MKS1: variants seen among roughly 807,000 people sequenced by gnomAD.
MKS1 encodes the protein tectonic-like complex member MKS1.
MKS1 carries 70 observed loss-of-function variants against 83.7 expected under a neutral mutation model. The observed-to-expected ratio is 0.84, with a 90% CI of 0.69 to 1.02. The LOEUF (loss-of-function observed/expected upper bound fraction) is 1.02. Ranked by LOEUF, MKS1 falls within the 50% of genes least tolerant of loss-of-function variation. The pLI, the probability that MKS1 is intolerant of heterozygous loss-of-function variation, is 0.00. For synonymous variants in MKS1, 251 were observed against 273.4 expected (o/e 0.92, Z 0.81); for missense variants, 681 against 726.9 (o/e 0.94, Z 0.73).
chr17:58,208,371 G>A, intron 12 of MKS1, 142 bp downstream of exon 12: 2 of 1,036,574 alleles, frequency 1.9e-6, no homozygotes, highest in African/African-American at 3.2e-5. Context: ...TCCGGACCAG[G>A]TGGCCCTGTA....
chr17:58,214,863 TA>T (rs1567804106), intron 4 of MKS1, 25 bp from the exon 5 acceptor site: 1 of 1,588,020 alleles, frequency 6.3e-7, no homozygotes, highest in Admixed American at 1.7e-5. Context: ...CAGCCCTGTG[TA>T]CGCCATCTGG....
chr17:58,216,391 G>A lies in MKS1; in HGVS notation c.262-148C>T, dbSNP rs915633579. The A allele has an allele frequency of 3.8e-5, 37 of 974,590 alleles. 1 individual carries two copies. The highest frequency in any genetic ancestry group is 8.4e-5 in the Admixed American group (4 of 47,686). The allele number at this position is 974,590 out of a possible 1,614,324, so 60.4% of individuals were successfully genotyped here. A position where few individuals can be genotyped will look rare whatever the true frequency, so the allele number is the denominator to read the frequency against. ...CAACACTAAACTAATGAATGGCAGG[G>A]GAACCAAGAACATTAGAGCTAAAAG... On this transcript the variant is annotated intron_variant, in intron 3 of 17. Transcript: ENST00000393119.
chr17:58,207,290 T>C, intron 14 of MKS1, 72 bp from the exon 15 acceptor site: 1 of 1,601,488 alleles, frequency 6.2e-7, no homozygotes. Flanking sequence ...TCCCCAGCAA[T>C]GACACAGGCC....
In MKS1 at chr17:58,210,893, G is replaced by A; in HGVS notation, c.958+87C>T. The A allele has an allele frequency of 4.0e-6, 6 of 1,490,992 alleles. No individual in the cohort carries two copies. In the South Asian group the frequency reaches 5.7e-5, roughly 14 times the overall value. The allele number at this position is 1,490,992 out of a possible 1,614,324, so 92.4% of individuals were successfully genotyped here. A position where few individuals can be genotyped will look rare whatever the true frequency, so the allele number is the denominator to read the frequency against. On this transcript the variant is annotated intron_variant, in intron 10 of 17. Transcript: ENST00000393119. ...GAGTTTCCCAAGTACAGCAGACAAGGCCTCTACCAGAGTGGAGGAGACTAT... is the reference window on the plus strand; with the variant it reads ...GAGTTTCCCAAGTACAGCAGACAAGACCTCTACCAGAGTGGAGGAGACTAT...
rs761483576 is a variant in MKS1, at chr17:58,206,157, T to G, written c.1602A>C (p.Arg534=). 6.2e-7 allele frequency: 1 copy of G among 1,613,924 alleles called. No individual in the cohort carries two copies. Among genetic ancestry groups the G allele is most frequent in the South Asian group, 1.1e-5 (1 of 91,070 alleles). ...SIHNVLEAFR[R]ARRRMQEARE... ...GGGCCTCCTGCATGCGGCGCCGGGC[T>G]CGACGGAAGGCCTCTGTAAGGAAAG... Residue 534 remains arginine (R), a synonymous_variant, in exon 18 of 18, where the codon CGA becomes CGC. Coordinates refer to ENST00000393119, the MANE Select transcript of MKS1 (RefSeq NM_017777.4).
In MKS1 at chr17:58,216,136, T is replaced by A. The variant is rs997559994; in HGVS notation, c.369A>T (p.Arg123=). 1 of 1,614,084 alleles carries A rather than the reference T, an allele frequency of 6.2e-7. No individual in the cohort carries two copies. The highest frequency in any genetic ancestry group is 1.3e-5 in the African/African-American group (1 of 74,918). ...KLENSGGKKN[R]RIFTYTDSDR... is the part of the protein sequence containing the mutation. ...CAGAGTCAGTGTAGGTAAAGATTCGTCGGTTTTTCTTGCCACCCGAATTCT... is the reference window on the plus strand; with the variant it reads ...CAGAGTCAGTGTAGGTAAAGATTCGACGGTTTTTCTTGCCACCCGAATTCT... Residue 123 remains arginine (R), a synonymous_variant, in exon 4 of 18, where the codon CGA becomes CGT. Transcript: ENST00000393119.
intron 9 of MKS1, among the ~76,000 whole-genome samples, chr17:58,211,571 CT>C (rs200217671): frequency 6.6e-6 from 1 of 151,052 alleles, no homozygotes; most frequent in African/African-American, 2.4e-5. Flanking sequence ...AAACCACTTT[CT>C]TTTTTTTTCA....
Position 58,210,689 on chromosome 17 carries a change from C to T in MKS1, c.994G>A (p.Val332Ile), listed in dbSNP as rs775391594. 6.6e-5 allele frequency: 106 copies of T among 1,614,062 alleles called. No individual in the cohort carries two copies. Among genetic ancestry groups the T allele is most frequent in the South Asian group, 3.6e-4 (33 of 91,082 alleles). ...GTTGGCAATTCTACAAAGAAGTGGACGTAGAGATTGTCATACTCATAGCCT... is the reference window on the plus strand; with the variant it reads ...GTTGGCAATTCTACAAAGAAGTGGATGTAGAGATTGTCATACTCATAGCCT... ...AQGYEYDNLY[V>I]HFFVELPTAH... is the part of the protein sequence containing the mutation. Residue 332 changes from valine to isoleucine, a missense_variant, in exon 11 of 18, where the codon GTC (valine) becomes ATC (isoleucine). Transcript: ENST00000393119.
chr17:58,212,298 A>ACTTCCTTTTCACACT, intron 9 of MKS1, 80 bp downstream of exon 9: 6 of 1,511,702 alleles, frequency 4.0e-6, no homozygotes, highest in Non-Finnish European at 4.6e-6. Context: ...GGCCTTTAAG[A>ACTTCCTTTTCACACT]GAGGTAGTGT....
rs1312861325 is a variant in MKS1, at chr17:58,216,147, T to G, written c.358A>C (p.Lys120Gln). ...EILKLENSGG[K>Q]KNRRIFTYTD... ...TAGGTAAAGATTCGTCGGTTTTTCTTGCCACCCGAATTCTCCAGCTTCAGG... is the reference window on the plus strand; with the variant it reads ...TAGGTAAAGATTCGTCGGTTTTTCTGGCCACCCGAATTCTCCAGCTTCAGG... Residue 120 changes from lysine to glutamine, a missense_variant, in exon 4 of 18, where the codon AAG (lysine) becomes CAG (glutamine). By Grantham distance (53) the Lys-to-Gln change is moderately conservative. Coordinates refer to ENST00000393119, the MANE Select transcript of MKS1 (RefSeq NM_017777.4). 2 of 1,614,236 alleles carry G rather than the reference T, an allele frequency of 1.2e-6. No homozygotes were observed. Among genetic ancestry groups the G allele is most frequent in the Non-Finnish European group, 1.7e-6 (2 of 1,180,034 alleles).
At position 58,205,790 on chromosome 17, in the gene MKS1, G is replaced by T; in HGVS notation, c.*289C>A. ...GTGAGTCAAGGCCAGACTCACTATG[G>T]GGTCACCCCAAACAGCTTCAGATCA... On this transcript the variant is annotated 3_prime_UTR_variant, in exon 18 of 18. Transcript: ENST00000393119. 1 of 1,437,624 alleles carries T rather than the reference G, an allele frequency of 7.0e-7. No individual in the cohort carries two copies. Among genetic ancestry groups the T allele is most frequent in the Non-Finnish European group, 9.2e-7 (1 of 1,081,700 alleles). The allele number at this position is 1,437,624 out of a possible 1,614,324, so 89.1% of individuals were successfully genotyped here.
chr17:58,216,024 CAGTG>C, intron 4 of MKS1, 60 bp downstream of exon 4: 6 of 1,579,140 alleles, frequency 3.8e-6, no homozygotes, highest in Non-Finnish European at 5.2e-6. Context: ...ACACAGAACT[CAGTG>C]AGGCAAAAAA....
intron 14 of MKS1, 154 bp downstream of exon 14, chr17:58,207,740 G>T: frequency 4.0e-6 from 3 of 751,954 alleles, no homozygotes; most frequent in Non-Finnish European, 6.9e-6. Flanking sequence ...CTAATGGAGG[G>T]GGGCAGAAAG....
At position 58,212,434 on chromosome 17, in the gene MKS1, G is replaced by A. The variant is rs755916212; in HGVS notation, c.859C>T (p.Leu287Phe). The stretch of plus-strand genomic sequence containing the variant: ...AGATACTCCTTGTGCCGGCCATAAA[G>A]CTGAGGAAACAAACCAAACCAAAAC... Reference protein sequence around the residue: ...EERERRVFKDLYGRHKEYLSS... With the variant: ...EERERRVFKDFYGRHKEYLSS... The change falls in exon 9 of 18, where the codon CTT becomes TTT. Residue 287 changes from leucine (L) to phenylalanine (F), a missense_variant and splice_region_variant. Physicochemically the swap from Leu to Phe is conservative, Grantham distance 22 (BLOSUM62 0). Coordinates refer to ENST00000393119, the MANE Select transcript of MKS1 (RefSeq NM_017777.4). 1.2e-6 allele frequency: 2 copies of A among 1,614,180 alleles called. No individual in the cohort carries two copies. The highest frequency in any genetic ancestry group is 1.1e-5 in the South Asian group (1 of 91,084).
chr17:58,218,866 TG>T, intron 1 of MKS1, 137 bp from the exon 2 acceptor site: 1 of 882,632 alleles, frequency 1.1e-6, no homozygotes, highest in Non-Finnish European at 1.8e-6. Context: ...AGGAGGTGGG[TG>T]GGTGCGCCGT....
At chr17:58,208,057 A>T (rs755312509) in intron 13 of MKS1, 48 bp downstream of exon 13, 1 of 1,607,734 alleles carries the variant, frequency 6.2e-7, no homozygotes, top group Admixed American at 1.7e-5. Flanking sequence ...AAGAGACAGC[A>T]CTGCTTGAGG....
chr17:58,211,729 ATTTTT>A (rs35375018), intron 9 of MKS1, among the ~76,000 whole-genome samples: 1 of 137,248 alleles, frequency 7.3e-6, no homozygotes, highest in African/African-American at 2.7e-5. Flanking sequence ...TGCCTTGCTA[ATTTTT>A]TTTTTTTTTT....
At chr17:58,217,593 G>C (rs967245259) in intron 2 of MKS1, among the ~76,000 whole-genome samples, 6 of 152,076 alleles carry the variant, frequency 3.9e-5, no homozygotes, top group African/African-American at 1.4e-4. Context: ...AGGATCACTT[G>C]GGCCCAGGAA....
chr17:58,211,176 C>T, intron 9 of MKS1, 154 bp from the exon 10 acceptor site: 1 of 695,710 alleles, frequency 1.4e-6, no homozygotes, highest in Non-Finnish European at 2.6e-6. Context: ...CACTTCTCCA[C>T]AGATCTGTTT....
Sources: allele counts gnomAD v4.1 joint callset (sites outside exome capture counted in the v4.1 genomes callset), GRCh38; gene constraint gnomAD v4.1.1; transcripts MANE v1.5; gene names NCBI Gene and HGNC (gene_info 2026-07-23, HGNC 2026-07-21).